The following WDR89 variants were observed in gnomAD, a reference collection of about 807,000 sequenced individuals.
WDR89 encodes WD repeat-containing protein 89.
WDR89 carries 17 observed loss-of-function variants against 29.1 expected under a neutral mutation model. That is an observed-to-expected ratio of 0.58 (90% CI 0.40 to 0.88). The LOEUF (loss-of-function observed/expected upper bound fraction) is 0.88. Ranked by LOEUF, WDR89 falls within the 40% of genes least tolerant of loss-of-function variation. The probability of loss-of-function intolerance (pLI) is 0.00; values close to 1 mark genes in which losing one functional copy is unlikely to be tolerated. For synonymous variants in WDR89, 138 were observed against 157.8 expected (o/e 0.87, Z 0.94); for missense variants, 396 against 456.3 (o/e 0.87, Z 1.20).
At chr14:63,641,270 G>GT (rs915612505) in intron 1 of WDR89, 3 of 152,160 alleles carry the variant, frequency 2.0e-5, no homozygotes, top group African/African-American at 7.2e-5. Context: ...ACTGCTTCGC[G>GT]TGAAAATGAG....
At chr14:63,637,881 C>G (rs1356770245) in intron 1 of WDR89, among the ~76,000 whole-genome samples, 2 of 152,116 alleles carry the variant, frequency 1.3e-5, no homozygotes, top group Non-Finnish European at 2.9e-5. Context: ...GCACCAAAAT[C>G]TCACAAATCA....
chr14:63,632,191 CA>C (rs1836116597), intron 1 of WDR89, among the ~76,000 whole-genome samples: 1 of 151,122 alleles, frequency 6.6e-6, no homozygotes, highest in Non-Finnish European at 1.5e-5. Context: ...GGAAAAAAAA[CA>C]AAGAAATGCC....
At position 63,623,913 on chromosome 14, in the gene WDR89, T is replaced by TTA. The variant is rs1465376848; in HGVS notation, c.-32+1014_-32+1015insTA. Among the ~76,000 whole-genome samples the TTA allele has an allele frequency of 2.6e-5, 4 of 151,882 alleles. No individual in the cohort carries two copies. The East Asian group carries it at 7.7e-4, about 29-fold the overall frequency. ...TAAAAGGAAATGGATAGAAAAAAGA[T>TTA]ATACCATGCAAATATTAATAAAAAG... On this transcript the variant is annotated intron_variant, in intron 2 of 2. Coordinates refer to ENST00000620954, the MANE Select transcript of WDR89 (RefSeq NM_080666.4).
chr14:63,617,643 C>T (rs1233905450), intron 2 of WDR89, among the ~76,000 whole-genome samples: 1 of 152,044 alleles, frequency 6.6e-6, no homozygotes, highest in African/African-American at 2.4e-5. Flanking sequence ...CACCACCACG[C>T]CCAGCTAATT....
At position 63,598,872 on chromosome 14, in the gene WDR89, A is replaced by G; in HGVS notation, c.1071T>C (p.Phe357=). 1 of 1,614,154 alleles carries G rather than the reference A, an allele frequency of 6.2e-7. No homozygotes were observed. Among genetic ancestry groups the G allele is most frequent in the Non-Finnish European group, 8.5e-7 (1 of 1,180,020 alleles). ...LWKPGAIEKT[F]TKKESMKIAS... Reference sequence around the variant, plus strand: ...CTATTTTCATACTCTCTTTCTTTGTAAAGGTCTTCTCTATAGCTCCAGGTT... The same window carrying G: ...CTATTTTCATACTCTCTTTCTTTGTGAAGGTCTTCTCTATAGCTCCAGGTT... Residue 357 remains phenylalanine (F), a synonymous_variant, in exon 3 of 3, where the codon TTT becomes TTC. Coordinates refer to ENST00000620954, the MANE Select transcript of WDR89 (RefSeq NM_080666.4).
At chr14:63,636,957 T>C (rs1883773002) in intron 1 of WDR89, among the ~76,000 whole-genome samples, 1 of 152,154 alleles carries the variant, frequency 6.6e-6, no homozygotes, top group African/African-American at 2.4e-5. Flanking sequence ...GCAAAAGGAA[T>C]TGTCAACAGA....
intron 2 of WDR89, among the ~76,000 whole-genome samples, chr14:63,624,080 A>C (rs1432559611): frequency 1.3e-5 from 2 of 152,210 alleles, no homozygotes; most frequent in Non-Finnish European, 2.9e-5. Context: ...ACCTTTGGTT[A>C]GGCAAAGATC....
chr14:63,601,450 T>C lies in WDR89; in HGVS notation c.-31-1477A>G, dbSNP rs534663787. 341 of 1,038,648 alleles carry C rather than the reference T, an allele frequency of 3.3e-4. 5 individuals are homozygous for C. Among genetic ancestry groups the C allele is most frequent in the South Asian group, 2.8e-3 (204 of 72,800 alleles). 64.3% of individuals were successfully genotyped at this position (1,038,648 alleles called of 1,614,324 possible). On this transcript the variant is annotated intron_variant, in intron 2 of 2. Coordinates refer to ENST00000620954, the MANE Select transcript of WDR89 (RefSeq NM_080666.4). ...AGGCCAGAAAAACATGCATGCCTAGTAACACTATAATAAATTCTTGACACT... is the reference window on the plus strand; with the variant it reads ...AGGCCAGAAAAACATGCATGCCTAGCAACACTATAATAAATTCTTGACACT...
intron 2 of WDR89, among the ~76,000 whole-genome samples, chr14:63,615,798 T>C (rs1035400863): frequency 2.6e-5 from 4 of 151,926 alleles, no homozygotes; most frequent in Non-Finnish European, 4.4e-5. Context: ...GTAGTGTGTG[T>C]CTGTACTCCC....
intron 2 of WDR89, among the ~76,000 whole-genome samples, chr14:63,613,089 G>C (rs2139519132): frequency 6.6e-6 from 1 of 152,218 alleles, no homozygotes; most frequent in East Asian, 1.9e-4. Context: ...CCTTTTCTTT[G>C]CTCATCTGCT....
intron 2 of WDR89, among the ~76,000 whole-genome samples, chr14:63,619,397 C>A (rs1882525876): frequency 6.6e-6 from 1 of 152,118 alleles, no homozygotes. Flanking sequence ...TTAGTCTCTA[C>A]TATTCTTCTA....
intron 2 of WDR89, among the ~76,000 whole-genome samples, chr14:63,600,674 A>G (rs1895017185): frequency 7.7e-6 from 1 of 129,108 alleles, no homozygotes; most frequent in African/African-American, 2.8e-5. Flanking sequence ...TCCTGGCCCC[A>G]GCTGCCTTAC....
chr14:63,600,717 C>CAAAA (rs56059698), intron 2 of WDR89, among the ~76,000 whole-genome samples: 7 of 36,144 alleles, frequency 1.9e-4, no homozygotes, highest in Admixed American at 5.7e-4. Context: ...GATATGTAGG[C>CAAAA]AAAAAAAAAA....
At chr14:63,623,894 G>C (rs1441461453) in intron 2 of WDR89, among the ~76,000 whole-genome samples, 1 of 151,792 alleles carries the variant, frequency 6.6e-6, no homozygotes, top group Non-Finnish European at 1.5e-5. Flanking sequence ...AGGTTAAAAG[G>C]AAATGGATAG....
intron 2 of WDR89, among the ~76,000 whole-genome samples, chr14:63,610,706 T>TC (rs1478480668): frequency 1.2e-3 from 172 of 148,116 alleles, no homozygotes; most frequent in Non-Finnish European, 1.8e-3. Flanking sequence ...TCTTTTCTTT[T>TC]TTTTTTTTTT....
Position 63,598,628 on chromosome 14 carries a change from C to A in WDR89, c.*151G>T, listed in dbSNP as rs554516656. The stretch of plus-strand genomic sequence containing the variant: ...AAAATTTTTTAGAATATGTGAAGAC[C>A]GGAATTAAACCATTCTCACCATATT... On this transcript the variant is annotated 3_prime_UTR_variant, in exon 3 of 3. Coordinates refer to ENST00000620954, the MANE Select transcript of WDR89 (RefSeq NM_080666.4). The A allele has an allele frequency of 4.9e-6, 3 of 606,158 alleles. No homozygotes were observed. Among genetic ancestry groups the A allele is most frequent in the East Asian group, 3.3e-5 (1 of 30,692 alleles). 37.5% of individuals were successfully genotyped at this position (606,158 alleles called of 1,614,324 possible). A position where few individuals can be genotyped will look rare whatever the true frequency, so the allele number is the denominator to read the frequency against.
chr14:63,628,663 A>C (rs1706369250), intron 1 of WDR89, among the ~76,000 whole-genome samples: 1 of 152,158 alleles, frequency 6.6e-6, no homozygotes, highest in Non-Finnish European at 1.5e-5. Flanking sequence ...AAAAGAAAAA[A>C]ATAATAATAA....
chr14:63,599,107 C>A lies in WDR89; in HGVS notation c.836G>T (p.Gly279Val), dbSNP rs143165130. Reference sequence around the variant, plus strand: ...GTCTGTCTTTTCATGATATAGGCCACCAATCAAATAGTCCAAAGCATCTTC... The same window carrying A: ...GTCTGTCTTTTCATGATATAGGCCAACAATCAAATAGTCCAAAGCATCTTC... The part of the protein sequence containing the change: ...MKEDALDYLI[G>V]GLYHEKTDTL... The change falls in exon 3 of 3, where the codon GGT becomes GTT. Residue 279 changes from glycine (G) to valine (V), a missense_variant. Physicochemically the swap from Gly to Val is moderately radical, Grantham distance 109 (BLOSUM62 -3). Coordinates refer to ENST00000620954, the MANE Select transcript of WDR89 (RefSeq NM_080666.4). The A allele has an allele frequency of 1.2e-6, 2 of 1,613,974 alleles. No individual in the cohort carries two copies. Among genetic ancestry groups the A allele is most frequent in the Admixed American group, 1.7e-5 (1 of 59,990 alleles).
At chr14:63,638,279 C>A (rs975991950) in intron 1 of WDR89, among the ~76,000 whole-genome samples, 7 of 152,092 alleles carry the variant, frequency 4.6e-5, no homozygotes, top group Non-Finnish European at 8.8e-5. Context: ...CACTGCCCCC[C>A]CAAAAAAGAA....
Sources: allele counts gnomAD v4.1 joint callset (sites outside exome capture counted in the v4.1 genomes callset), GRCh38; gene constraint gnomAD v4.1.1; transcripts MANE v1.5; gene names NCBI Gene and HGNC (gene_info 2026-07-23, HGNC 2026-07-21).